The following GALNT17 variants were observed in gnomAD, a reference collection of about 807,000 sequenced individuals.
GALNT17 encodes the protein UDP-GalNAc:polypeptide N-acetylgalactosaminyltransferase-like 3.
GALNT17 carries 29 observed loss-of-function variants against 63.7 expected under a neutral mutation model. The ratio of observed to expected loss-of-function variants is 0.46; its 90% CI spans 0.34 to 0.62. GALNT17 has a LOEUF of 0.62. GALNT17 is among the 20% of genes least tolerant of loss of function. The probability of loss-of-function intolerance (pLI) is 0.01; values close to 1 mark genes in which losing one functional copy is unlikely to be tolerated. For synonymous variants in GALNT17, 305 were observed against 318.3 expected, an observed-to-expected ratio of 0.96 and a Z score of 0.45; for missense variants, 603 against 799.6, an observed-to-expected ratio of 0.75 and a Z score of 2.97.
intron 1 of GALNT17, among the ~76,000 whole-genome samples, chr7:71,231,893 A>C (rs1789796543): frequency 6.6e-6 from 1 of 152,054 alleles, no homozygotes; most frequent in African/African-American, 2.4e-5. Flanking sequence ...CCCACCTTCA[A>C]ATACCATGAC....
At chr7:71,513,468 C>T (rs188629847) in intron 5 of GALNT17, among the ~76,000 whole-genome samples, 2 of 152,118 alleles carry the variant, frequency 1.3e-5, no homozygotes, top group East Asian at 3.9e-4. Context: ...TCACTGCAAC[C>T]TCCGCCTCCC....
At chr7:71,575,038 C>T (rs1789513141) in intron 6 of GALNT17, among the ~76,000 whole-genome samples, 3 of 152,248 alleles carry the variant, frequency 2.0e-5, no homozygotes, top group Non-Finnish European at 2.9e-5. Context: ...ACTTCATGTA[C>T]GGGTGTCTCG....
chr7:71,602,383 C>T (rs1057374618), intron 6 of GALNT17, among the ~76,000 whole-genome samples: 2 of 152,148 alleles, frequency 1.3e-5, no homozygotes, highest in African/African-American at 4.8e-5. Flanking sequence ...GCACACACCC[C>T]AAAACAGATT....
At chr7:71,685,258 G>A (rs1439920766) in intron 9 of GALNT17, among the ~76,000 whole-genome samples, 3 of 152,138 alleles carry the variant, frequency 2.0e-5, no homozygotes, top group African/African-American at 7.2e-5. Context: ...GGCAGAAGCA[G>A]GTGGTTCAGG....
At chr7:71,265,119 T>TATATATATATATATATATATATATA (rs58855212) in intron 1 of GALNT17, among the ~76,000 whole-genome samples, 7 of 14,406 alleles carry the variant, frequency 4.9e-4, no homozygotes, top group Admixed American at 8.9e-4. Context: ...TATATATATA[T>TATATATATATATATATATATATATA]TTTTTTTTTT....
At chr7:71,253,053 A>G (rs1372345178) in intron 1 of GALNT17, among the ~76,000 whole-genome samples, 1 of 152,234 alleles carries the variant, frequency 6.6e-6, no homozygotes, top group Non-Finnish European at 1.5e-5. Context: ...CTTGAAATTG[A>G]CTATTCTTCT....
intron 5 of GALNT17, among the ~76,000 whole-genome samples, chr7:71,431,821 C>T (rs942934391): frequency 2.6e-5 from 4 of 151,990 alleles, no homozygotes; most frequent in South Asian, 2.1e-4. Flanking sequence ...GGAGAACTCT[C>T]GAAACTCAGA....
At chr7:71,369,126 T>G (rs1190538568) in intron 2 of GALNT17, among the ~76,000 whole-genome samples, 1 of 152,366 alleles carries the variant, frequency 6.6e-6, no homozygotes, top group Admixed American at 6.5e-5. Context: ...ATACTAGAAC[T>G]CTGTGCTCTG....
At chr7:71,597,796 T>A (rs1160527449) in intron 6 of GALNT17, among the ~76,000 whole-genome samples, 1 of 152,138 alleles carries the variant, frequency 6.6e-6, no homozygotes, top group Non-Finnish European at 1.5e-5. Context: ...CGGTGCTTCG[T>A]GATTACCTTG....
intron 1 of GALNT17, among the ~76,000 whole-genome samples, chr7:71,264,944 T>G (rs1302309815): frequency 6.6e-6 from 1 of 151,200 alleles, no homozygotes; most frequent in Non-Finnish European, 1.5e-5. Flanking sequence ...TTAACAACAA[T>G]GTATTGTAGA....
chr7:71,628,651 C>T (rs1790411060), intron 6 of GALNT17, among the ~76,000 whole-genome samples: 4 of 152,114 alleles, frequency 2.6e-5, no homozygotes, highest in Admixed American at 2.6e-4. Context: ...TCAGAATTGG[C>T]CAGGTGCGGT....
intron 3 of GALNT17, among the ~76,000 whole-genome samples, chr7:71,415,331 C>G (rs2116433795): frequency 6.6e-6 from 1 of 152,238 alleles, no homozygotes; most frequent in South Asian, 2.1e-4. Context: ...ATCTAGCAAC[C>G]TCCTAGGGTT....
intron 1 of GALNT17, among the ~76,000 whole-genome samples, chr7:71,242,677 A>G (rs1348654799): frequency 6.6e-6 from 1 of 152,174 alleles, no homozygotes; most frequent in Non-Finnish European, 1.5e-5. Context: ...AACTTGGACT[A>G]CAAGGAAGAG....
chr7:71,694,142 C>T (rs1234975373), intron 9 of GALNT17, among the ~76,000 whole-genome samples: 1 of 151,926 alleles, frequency 6.6e-6, no homozygotes, highest in East Asian at 1.9e-4. Flanking sequence ...AGGGAAACTC[C>T]CCTTTATAAA....
In GALNT17 at chr7:71,175,029, C is replaced by A. The variant is rs1173704225; in HGVS notation, c.238+41989C>A. Among the ~76,000 whole-genome samples, 10 of 152,346 alleles carry A rather than the reference C, an allele frequency of 6.6e-5. No homozygotes were observed. In the East Asian group the frequency reaches 1.9e-3, roughly 29 times the overall value. ...CAATGAGCTCAACCCCTAGATTCTA[C>A]AATTAATGTTTTGCCATGTTTGCTT... On this transcript the variant is annotated intron_variant, in intron 1 of 10. Coordinates refer to ENST00000333538, the MANE Select transcript of GALNT17 (RefSeq NM_022479.3).
chr7:71,331,966 CTTT>C (rs368283726), intron 1 of GALNT17, among the ~76,000 whole-genome samples: 2 of 152,310 alleles, frequency 1.3e-5, no homozygotes, highest in African/African-American at 2.4e-5. Flanking sequence ...TACTTTCCTT[CTTT>C]ATTTGTCACT....
chr7:71,668,280 G>A (rs1791015002), intron 7 of GALNT17, among the ~76,000 whole-genome samples: 1 of 151,970 alleles, frequency 6.6e-6, no homozygotes, highest in African/African-American at 2.4e-5. Context: ...ACTTTGGGAG[G>A]CCGAGGCGGG....
At chr7:71,639,355 C>T (rs1025228129) in intron 6 of GALNT17, among the ~76,000 whole-genome samples, 2 of 152,186 alleles carry the variant, frequency 1.3e-5, no homozygotes, top group African/African-American at 4.8e-5. Flanking sequence ...CTCTCTTGTT[C>T]GGTGTTCACA....
chr7:71,628,790 G>A (rs1444484106), intron 6 of GALNT17, among the ~76,000 whole-genome samples: 1 of 152,066 alleles, frequency 6.6e-6, no homozygotes, highest in Non-Finnish European at 1.5e-5. Context: ...AAATTAGCCA[G>A]GTGTGGTGGC....
Sources: gnomAD v4.1 joint callset for allele counts (sites outside exome capture counted in the v4.1 genomes callset) on GRCh38, gnomAD v4.1.1 for gene constraint, MANE v1.5 for transcripts, NCBI Gene and HGNC (gene_info 2026-07-23, HGNC 2026-07-21) for gene names.